The following SPRED1 variants were observed in gnomAD, a reference collection of about 807,000 sequenced individuals.
SPRED1 encodes the protein sprouty related EVH1 domain containing 1, also known as sprouty-related, EVH1 domain-containing protein 1.
SPRED1 carries 18 observed loss-of-function variants against 52.3 expected under a neutral mutation model. The observed-to-expected ratio is 0.34, with a 90% CI of 0.24 to 0.51. The LOEUF (loss-of-function observed/expected upper bound fraction) is 0.51, where lower values mean the gene tolerates loss of function less well. Ranked by LOEUF, SPRED1 falls within the 20% of genes least tolerant of loss-of-function variation. SPRED1 has a pLI of 0.97. For missense variants in SPRED1, 485 were observed against 551.0 expected (o/e 0.88, Z 1.20); for synonymous variants, 155 against 179.7 (o/e 0.86, Z 1.10).
intron 5 of SPRED1, among the ~76,000 whole-genome samples, chr15:38,343,018 T>C (rs1404116615): frequency 6.6e-6 from 1 of 151,968 alleles, no homozygotes; most frequent in East Asian, 1.9e-4. Context: ...ATTGAGACAG[T>C]GAGTTAAGAA....
intron 1 of SPRED1, among the ~76,000 whole-genome samples, chr15:38,263,912 G>A (rs538406861): frequency 1.8e-4 from 28 of 152,286 alleles, no homozygotes; most frequent in African/African-American, 5.5e-4. Context: ...GCAGCCCATG[G>A]GCCGCGGGTT....
intron 1 of SPRED1, among the ~76,000 whole-genome samples, chr15:38,274,442 C>G (rs1008390402): frequency 3.9e-5 from 6 of 152,162 alleles, no homozygotes; most frequent in African/African-American, 1.4e-4. Context: ...ATTCTCAAAG[C>G]AGTTGTGAGA....
intron 4 of SPRED1, 150 bp from the exon 5 acceptor site, chr15:38,339,587 C>T (rs1347959519): frequency 8.0e-6 from 6 of 752,246 alleles, no homozygotes; most frequent in Non-Finnish European, 1.3e-5. Flanking sequence ...TAATCATGTA[C>T]ATTTGAGTTT....
At chr15:38,261,564 T>C (rs1439515546) in intron 1 of SPRED1, among the ~76,000 whole-genome samples, 1 of 152,048 alleles carries the variant, frequency 6.6e-6, no homozygotes, top group Non-Finnish European at 1.5e-5. Context: ...TGTTTTTGTT[T>C]TTGTTTTTGT....
At chr15:38,253,323 G>C (rs949933657) in intron 1 of SPRED1, 106 bp downstream of exon 1, 2 of 1,102,472 alleles carry the variant, frequency 1.8e-6, no homozygotes, top group Non-Finnish European at 2.7e-6. Context: ...TGCGACCCTG[G>C]AGAGTTCGGT....
intron 2 of SPRED1, among the ~76,000 whole-genome samples, chr15:38,310,798 A>G (rs570747307): frequency 3.9e-5 from 6 of 152,206 alleles, no homozygotes; most frequent in Admixed American, 1.3e-4. Flanking sequence ...CATGCTATTA[A>G]TTTTCATTTG....
chr15:38,257,864 G>C (rs1407654235), intron 1 of SPRED1, among the ~76,000 whole-genome samples: 1 of 152,180 alleles, frequency 6.6e-6, no homozygotes, highest in East Asian at 1.9e-4. Context: ...GCAGCTGTTG[G>C]TGACTGAGAA....
At position 38,351,567 on chromosome 15, in the gene SPRED1, T is replaced by C. The variant is rs1156410015; in HGVS notation, c.1238T>C (p.Ile413Thr). 1 of 1,614,060 alleles carries C rather than the reference T, an allele frequency of 6.2e-7. No homozygotes were observed. The highest frequency in any genetic ancestry group is 1.7e-5 in the Admixed American group (1 of 59,996). Residue 413 changes from isoleucine to threonine, a missense_variant, in exon 7 of 7, where the codon ATT becomes ACT. Physicochemically the swap from Ile to Thr is moderately conservative, Grantham distance 89 (BLOSUM62 -1). This residue lies in a region of SPRED1 where 205 missense variants were observed against 245.2 expected (regional missense o/e 0.84). Transcript: ENST00000299084. ...RWLALVALSF[I>T]VPCMCCYVPL... is the part of the protein sequence containing the mutation. Reference sequence around the variant, plus strand: ...TTAGCCCTGGTAGCTTTGTCTTTCATTGTACCATGTATGTGCTGCTACGTC... The same window carrying C: ...TTAGCCCTGGTAGCTTTGTCTTTCACTGTACCATGTATGTGCTGCTACGTC...
intron 3 of SPRED1, 118 bp downstream of exon 3, chr15:38,322,527 T>C: frequency 1.0e-6 from 1 of 997,836 alleles, no homozygotes; most frequent in East Asian, 2.5e-5. Flanking sequence ...TTTTGTGATA[T>C]GTGACCAGGC....
chr15:38,326,112 G>A (rs1376676634), intron 4 of SPRED1: 1 of 152,188 alleles, frequency 6.6e-6, no homozygotes, highest in African/African-American at 2.4e-5. Flanking sequence ...TTTGGATAGA[G>A]CGTCAGTGAG....
At chr15:38,348,432 G>C (rs1896186727) in intron 5 of SPRED1, among the ~76,000 whole-genome samples, 1 of 151,892 alleles carries the variant, frequency 6.6e-6, no homozygotes, top group African/African-American at 2.4e-5. Context: ...GTGTGTGTGT[G>C]TGTGTGTCTG....
intron 1 of SPRED1, among the ~76,000 whole-genome samples, chr15:38,292,944 A>G (rs1213326784): frequency 6.6e-6 from 1 of 152,142 alleles, no homozygotes; most frequent in Non-Finnish European, 1.5e-5. Context: ...AATAACATTT[A>G]TTGGGCACAT....
intron 1 of SPRED1, among the ~76,000 whole-genome samples, chr15:38,292,834 G>A (rs1214716350): frequency 6.6e-6 from 1 of 152,012 alleles, no homozygotes; most frequent in Non-Finnish European, 1.5e-5. Context: ...TGTCACCTTG[G>A]TTTTTTATAC....
chr15:38,324,868 C>A, intron 4 of SPRED1, 59 bp downstream of exon 4: 1 of 1,333,070 alleles, frequency 7.5e-7, no homozygotes, highest in Non-Finnish European at 1.1e-6. Flanking sequence ...AATCACTAGC[C>A]TTATTCAATA....
intron 2 of SPRED1, among the ~76,000 whole-genome samples, chr15:38,320,866 G>C (rs1428631507): frequency 6.6e-6 from 1 of 152,138 alleles, no homozygotes; most frequent in Non-Finnish European, 1.5e-5. Context: ...AAAGCATACT[G>C]TGAATATGAT....
chr15:38,346,811 T>G (rs1037639188), intron 5 of SPRED1, among the ~76,000 whole-genome samples: 2 of 152,174 alleles, frequency 1.3e-5, no homozygotes, highest in African/African-American at 2.4e-5. Context: ...TGGGACAAAT[T>G]GGACTTTAGG....
At chr15:38,299,710 A>T (rs576341994) in intron 2 of SPRED1, among the ~76,000 whole-genome samples, 163 bp downstream of exon 2, 2 of 151,906 alleles carry the variant, frequency 1.3e-5, no homozygotes, top group East Asian at 3.9e-4. Context: ...TTTTTTTTCA[A>T]ACTGAGACTG....
chr15:38,349,131 C>T (rs764095409), intron 5 of SPRED1, among the ~76,000 whole-genome samples: 6 of 152,102 alleles, frequency 3.9e-5, no homozygotes, highest in Non-Finnish European at 7.4e-5. Context: ...TAATATTCCA[C>T]TCTATGGATT....
At position 38,303,763 on chromosome 15, in the gene SPRED1, A is replaced by G. The variant is rs187723950; in HGVS notation, c.207+4216A>G. Among the ~76,000 whole-genome samples, 448 of 152,268 alleles carry G rather than the reference A, an allele frequency of 2.9e-3. 1 individual carries two copies. The highest frequency in any genetic ancestry group is 4.7e-3 in the Non-Finnish European group (321 of 68,024). On this transcript the variant is annotated intron_variant, in intron 2 of 6. Coordinates refer to ENST00000299084, the MANE Select transcript of SPRED1 (RefSeq NM_152594.3). The stretch of plus-strand genomic sequence containing the variant: ...ATTATGGGCTAAGGTATGACAAAAG[A>G]ATAGGCTGAGTAGAAAGATAGGAAT...
Sources: gnomAD v4.1 joint callset for allele counts (sites outside exome capture counted in the v4.1 genomes callset) on GRCh38, gnomAD v4.1.1 for gene constraint, gnomAD v4.1.1 regional missense constraint, MANE v1.5 for transcripts, NCBI Gene and HGNC (gene_info 2026-07-23, HGNC 2026-07-21) for gene names.